HPSE2: variants seen among roughly 807,000 people sequenced by gnomAD.
HPSE2 encodes the protein inactive heparanase-2.
Under a neutral mutation model 60.5 loss-of-function variants are expected in HPSE2, and 38 were observed. The observed-to-expected ratio is 0.63, with a 90% CI of 0.48 to 0.82. HPSE2 has a LOEUF of 0.82. Among genes scored for constraint, HPSE2 ranks in the 40% least tolerant of loss-of-function variants. HPSE2 has a pLI of 0.00. For synonymous variants in HPSE2, 295 were observed against 293.2 expected, an observed-to-expected ratio of 1.01 and a Z score of -0.06; for missense variants, 713 against 740.4, an observed-to-expected ratio of 0.96 and a Z score of 0.43.
intron 5 of HPSE2, among the ~76,000 whole-genome samples, chr10:98,719,901 T>G (rs1948882027): frequency 6.6e-6 from 1 of 151,768 alleles, no homozygotes; most frequent in South Asian, 2.1e-4. Flanking sequence ...CTCGGGAGGT[T>G]GAGGCAGGAG....
At chr10:98,625,433 C>T (rs886636564) in intron 7 of HPSE2, among the ~76,000 whole-genome samples, 17 of 152,072 alleles carry the variant, frequency 1.1e-4, no homozygotes, top group African/African-American at 4.1e-4. Flanking sequence ...ATCCAATAAC[C>T]TCAGAAGTGT....
At chr10:98,561,993 T>C (rs980542512) in intron 9 of HPSE2, among the ~76,000 whole-genome samples, 2 of 152,254 alleles carry the variant, frequency 1.3e-5, no homozygotes, top group South Asian at 2.1e-4. Flanking sequence ...CACTCATTTA[T>C]TGACTCATCC....
At chr10:98,637,427 A>G (rs1348251959) in intron 7 of HPSE2, among the ~76,000 whole-genome samples, 3 of 152,216 alleles carry the variant, frequency 2.0e-5, no homozygotes, top group Non-Finnish European at 2.9e-5. Flanking sequence ...TAATAACTAT[A>G]ACAACAATAA....
intron 7 of HPSE2, among the ~76,000 whole-genome samples, chr10:98,626,995 A>G (rs544318343): frequency 6.6e-6 from 1 of 152,114 alleles, no homozygotes; most frequent in African/African-American, 2.4e-5. Flanking sequence ...GGACGGTCTC[A>G]ATCTCCTGAC....
intron 6 of HPSE2, among the ~76,000 whole-genome samples, chr10:98,663,174 T>C (rs1274657447): frequency 2.0e-5 from 3 of 152,150 alleles, no homozygotes; most frequent in Non-Finnish European, 2.9e-5. Flanking sequence ...TTCACCAATC[T>C]TCCTTTAGTT....
In HPSE2 at chr10:98,726,541, C is replaced by T. The variant is rs547855671; in HGVS notation, c.785-4713G>A. Among the ~76,000 whole-genome samples, 212 of 150,302 alleles carry T rather than the reference C, an allele frequency of 1.4e-3. 1 individual carries two copies. Among genetic ancestry groups the T allele is most frequent in the Middle Eastern group, 6.9e-3 (2 of 290 alleles). On this transcript the variant is annotated intron_variant, in intron 4 of 11. Transcript: ENST00000370552. ...AGGAGATATACCTAATGCTAAATGACGAGTTAATGGGTGCAGCACACCAAC... is the reference window on the plus strand; with the variant it reads ...AGGAGATATACCTAATGCTAAATGATGAGTTAATGGGTGCAGCACACCAAC...
At position 99,008,902 on chromosome 10, in the gene HPSE2, C is replaced by G. The variant is rs188332359; in HGVS notation, c.610+135336G>C. Among the ~76,000 whole-genome samples, 144 of 152,188 alleles carry G rather than the reference C, an allele frequency of 9.5e-4. 1 individual carries two copies. In the East Asian group the frequency reaches 0.02, roughly 22 times the overall value. ...TTTATTGTCACAACAGAGTTCAGTC[C>G]TATTTCTAAAAACATCCATTATTGT... On this transcript the variant is annotated intron_variant, in intron 3 of 11. Coordinates refer to ENST00000370552, the MANE Select transcript of HPSE2 (RefSeq NM_021828.5).
At chr10:98,904,039 T>C (rs1201454109) in intron 3 of HPSE2, among the ~76,000 whole-genome samples, 12 of 152,126 alleles carry the variant, frequency 7.9e-5, no homozygotes, top group Admixed American at 7.9e-4. Context: ...TGGGTTATTG[T>C]GATAATTAAA....
chr10:98,943,548 A>C (rs182163922), intron 3 of HPSE2, among the ~76,000 whole-genome samples: 1 of 152,200 alleles, frequency 6.6e-6, no homozygotes, highest in African/African-American at 2.4e-5. Context: ...TCTGTGTGAC[A>C]AATAACACAT....
At chr10:98,482,556 G>A (rs1368400066) in intron 11 of HPSE2, 80 bp downstream of exon 11, 1 of 1,560,892 alleles carries the variant, frequency 6.4e-7, no homozygotes, top group Non-Finnish European at 8.8e-7. Flanking sequence ...AGAATTAGCA[G>A]CAACCTTGGT....
rs111549617 is a variant in HPSE2 at position 98,490,207 on chromosome 10, T to A, written c.1321-11A>T. On this transcript the variant is annotated splice_polypyrimidine_tract_variant and intron_variant, in intron 9 of 11. Transcript: ENST00000370552. ...AGAGAGCCAGTAGTCCTGAGGAGAA[T>A]AGAGAGGGAGAGGGTCAGCGAGAGA... 1 of 1,613,486 alleles carries A rather than the reference T, an allele frequency of 6.2e-7. No individual in the cohort carries two copies. The highest frequency in any genetic ancestry group is 1.1e-5 in the South Asian group (1 of 91,040).
At chr10:98,914,913 A>G (rs936076079) in intron 3 of HPSE2, among the ~76,000 whole-genome samples, 1 of 151,878 alleles carries the variant, frequency 6.6e-6, no homozygotes, top group African/African-American at 2.4e-5. Flanking sequence ...GATCAATTTA[A>G]GAAAAATCCA....
At chr10:99,055,446 T>C (rs1046168254) in intron 3 of HPSE2, among the ~76,000 whole-genome samples, 3 of 152,098 alleles carry the variant, frequency 2.0e-5, no homozygotes, top group East Asian at 1.9e-4. Flanking sequence ...GAAGAAATTA[T>C]TGGAAAATAT....
intron 8 of HPSE2, among the ~76,000 whole-genome samples, 166 bp from the exon 9 acceptor site, chr10:98,615,184 A>G (rs1589512638): frequency 6.6e-6 from 1 of 152,368 alleles, no homozygotes; most frequent in African/African-American, 2.4e-5. Context: ...CAGCTGTAAT[A>G]TATTTTAGAG....
intron 5 of HPSE2, among the ~76,000 whole-genome samples, chr10:98,715,151 T>G (rs1011172713): frequency 6.6e-6 from 1 of 151,972 alleles, no homozygotes; most frequent in Non-Finnish European, 1.5e-5. Context: ...TTCACATTCT[T>G]GATGGTGTCA....
At chr10:98,564,915 G>A (rs1944296640) in intron 9 of HPSE2, among the ~76,000 whole-genome samples, 1 of 152,080 alleles carries the variant, frequency 6.6e-6, no homozygotes, top group Admixed American at 6.6e-5. Flanking sequence ...AAACCAGGAT[G>A]GGACAAAATC....
intron 2 of HPSE2, among the ~76,000 whole-genome samples, chr10:99,146,931 A>T (rs1265734924): frequency 6.6e-6 from 1 of 152,222 alleles, no homozygotes; most frequent in East Asian, 1.9e-4. Flanking sequence ...GAAAAATGTA[A>T]AGAGCTTAAG....
chr10:98,832,876 GCAAGC>G, intron 3 of HPSE2, among the ~76,000 whole-genome samples: 1 of 152,188 alleles, frequency 6.6e-6, no homozygotes, highest in Non-Finnish European at 1.5e-5. Context: ...GATACAGGCA[GCAAGC>G]CTGGGAATGT....
intron 3 of HPSE2, among the ~76,000 whole-genome samples, chr10:98,800,908 C>T (rs1950891107): frequency 6.6e-6 from 1 of 152,122 alleles, no homozygotes; most frequent in African/African-American, 2.4e-5. Flanking sequence ...CTAAACCAGA[C>T]AAAGACACAT....
Sources: gnomAD v4.1 joint callset for allele counts (sites outside exome capture counted in the v4.1 genomes callset) on GRCh38, gnomAD v4.1.1 for gene constraint, MANE v1.5 for transcripts, NCBI Gene and HGNC (gene_info 2026-07-23, HGNC 2026-07-21) for gene names.